Variants in CPVL observed in about 807,000 individuals in gnomAD.
CPVL encodes carboxypeptidase vitellogenic like, also known as probable serine carboxypeptidase CPVL.
In CPVL, 51 loss-of-function variants were observed where a neutral mutation model predicts 63.7. That is an observed-to-expected ratio of 0.80 (90% CI 0.64 to 1.01). The LOEUF (loss-of-function observed/expected upper bound fraction) is 1.01. CPVL is among the 50% of genes least tolerant of loss of function. The pLI is 0.00. For synonymous variants in CPVL, 195 were observed against 206.0 expected, an observed-to-expected ratio of 0.95 and a Z score of 0.46; for missense variants, 530 against 573.1, an observed-to-expected ratio of 0.92 and a Z score of 0.77.
At chr7:29,070,423 A>G (rs1562753054) in intron 9 of CPVL, among the ~76,000 whole-genome samples, 1 of 152,208 alleles carries the variant, frequency 6.6e-6, no homozygotes, top group Non-Finnish European at 1.5e-5. Flanking sequence ...AAATGTTTCA[A>G]TTGCAAATTG....
intron 1 of CPVL, among the ~76,000 whole-genome samples, chr7:29,144,119 T>C (rs768166590): frequency 2.0e-5 from 3 of 152,256 alleles, no homozygotes; most frequent in Admixed American, 2.0e-4. Context: ...GTCATTGTTC[T>C]AGAGGTATCT....
At chr7:29,071,946 G>C in intron 8 of CPVL, 42 bp from the exon 9 acceptor site, 1 of 1,610,496 alleles carries the variant, frequency 6.2e-7, no homozygotes, top group Non-Finnish European at 8.5e-7. Context: ...CAAAGGGAGA[G>C]AAAGAGACCT....
At chr7:29,003,154 GCACACACACA>G (rs535400256) in intron 12 of CPVL, among the ~76,000 whole-genome samples, 7 of 123,710 alleles carry the variant, frequency 5.7e-5, no homozygotes, top group Admixed American at 1.6e-4. Flanking sequence ...ATGTGTATGT[GCACACACACA>G]CACACACACA....
chr7:29,132,064 C>T (rs1299978406), intron 1 of CPVL, among the ~76,000 whole-genome samples: 2 of 152,066 alleles, frequency 1.3e-5, no homozygotes, highest in African/African-American at 2.4e-5. Flanking sequence ...GCAGGATAAA[C>T]GGAATAGAGA....
At chr7:29,014,411 C>T (rs189489893) in intron 12 of CPVL, among the ~76,000 whole-genome samples, 37 of 152,204 alleles carry the variant, frequency 2.4e-4, no homozygotes, top group African/African-American at 6.7e-4. Context: ...TAGCTCACTG[C>T]GCCTCGACCT....
At chr7:29,058,458 T>C (rs569941809) in intron 11 of CPVL, among the ~76,000 whole-genome samples, 1 of 152,244 alleles carries the variant, frequency 6.6e-6, no homozygotes, top group African/African-American at 2.4e-5. Context: ...TAAATAATTA[T>C]GTCATCTTCA....
chr7:29,070,711 C>G (rs191412931), intron 9 of CPVL, among the ~76,000 whole-genome samples: 17 of 152,344 alleles, frequency 1.1e-4, no homozygotes, highest in African/African-American at 3.8e-4. Context: ...TTGCTCCATC[C>G]ATTTGCACAG....
chr7:29,057,606 A>C (rs1267598722), intron 11 of CPVL, among the ~76,000 whole-genome samples: 1 of 152,178 alleles, frequency 6.6e-6, no homozygotes. Context: ...TCCTAAGTTA[A>C]TGCCTACAAG....
At chr7:29,120,811 T>G in intron 2 of CPVL, 82 bp downstream of exon 2, 1 of 1,354,234 alleles carries the variant, frequency 7.4e-7, no homozygotes, top group Non-Finnish European at 1.0e-6. Context: ...CAGGCGAGAC[T>G]TCGTCTCAAA....
chr7:29,176,862 C>G (rs1006697706), intron 5 of CPVL, among the ~76,000 whole-genome samples: 1 of 152,080 alleles, frequency 6.6e-6, no homozygotes, highest in South Asian at 2.1e-4. Flanking sequence ...CATCATTGGT[C>G]AGAATGGTAA....
chr7:29,178,913 T>TA (rs959516419), intron 5 of CPVL, among the ~76,000 whole-genome samples: 4 of 152,308 alleles, frequency 2.6e-5, no homozygotes, highest in African/African-American at 9.6e-5. Context: ...TACAAACTAA[T>TA]AAAAAGAACA....
At chr7:29,116,375 TTCTATTAATG>T (rs1788780841) in intron 2 of CPVL, among the ~76,000 whole-genome samples, 1 of 152,252 alleles carries the variant, frequency 6.6e-6, no homozygotes, top group African/African-American at 2.4e-5. Context: ...CTGTGCATCC[TTCTATTAATG>T]GAATGTGGAA....
chr7:29,030,747 T>C lies in CPVL; in HGVS notation c.1150A>G (p.Asn384Asp). 1 of 1,606,162 alleles carries C rather than the reference T, an allele frequency of 6.2e-7. No individual in the cohort carries two copies. The highest frequency in any genetic ancestry group is 1.1e-5 in the South Asian group (1 of 89,308). ...GCCACGATGATGTCCAGTTGGCCAT[T>C]GTAGATCAGAACCTGAAATGAAATC... ...IMNNYKVLIY[N>D]GQLDIIVAAA... Residue 384 changes from asparagine to aspartate, a missense_variant, in exon 12 of 13, where the codon AAT (asparagine) becomes GAT (aspartate). By Grantham distance (23) the Asn-to-Asp change is conservative. Transcript: ENST00000265394.
chr7:29,180,125 T>C (rs964953848), intron 5 of CPVL, among the ~76,000 whole-genome samples: 1 of 152,240 alleles, frequency 6.6e-6, no homozygotes, highest in Non-Finnish European at 1.5e-5. Flanking sequence ...GAAGTCAATC[T>C]GTTCCCCAAT....
intron 1 of CPVL, 40 bp downstream of exon 1, chr7:29,146,389 G>C (rs149094510): frequency 2.6e-6 from 2 of 774,178 alleles, no homozygotes; most frequent in Non-Finnish European, 3.9e-6. Context: ...GACCTGTCCC[G>C]CTGAGCTGGC....
At chr7:29,095,212 A>G (rs1786283823) in intron 4 of CPVL, 70 bp from the exon 5 acceptor site, 2 of 1,306,384 alleles carry the variant, frequency 1.5e-6, no homozygotes, top group Non-Finnish European at 2.2e-6. Flanking sequence ...CATGGTGGTC[A>G]GAAGCCCAAC....
intron 12 of CPVL, among the ~76,000 whole-genome samples, chr7:29,006,434 T>G (rs1372625720): frequency 1.3e-5 from 2 of 152,200 alleles, no homozygotes. Context: ...GAGCCAGATT[T>G]CAAAAATTTG....
At chr7:29,088,847 C>T (rs1259537409) in intron 6 of CPVL, among the ~76,000 whole-genome samples, 1 of 152,040 alleles carries the variant, frequency 6.6e-6, no homozygotes, top group Non-Finnish European at 1.5e-5. Context: ...TGGTGGTGGG[C>T]GCCTGTAGTC....
chr7:29,135,103 CA>C (rs56954460), intron 1 of CPVL, among the ~76,000 whole-genome samples: 4,096 of 121,300 alleles, frequency 0.034, 121 homozygotes, highest in African/African-American at 0.1. Context: ...GACCTTGCCT[CA>C]AAAAAAAAAA....
Sources: gnomAD v4.1 joint callset for allele counts (sites outside exome capture counted in the v4.1 genomes callset) on GRCh38, gnomAD v4.1.1 for gene constraint, MANE v1.5 for transcripts, NCBI Gene and HGNC (gene_info 2026-07-23, HGNC 2026-07-21) for gene names.